The following MACROD2 variants were observed in gnomAD, a reference collection of about 807,000 sequenced individuals.
The protein encoded by MACROD2 is ADP-ribose glycohydrolase MACROD2.
A neutral mutation model predicts 70.4 loss-of-function variants in MACROD2; 36 were observed. The observed-to-expected ratio is 0.51, with a 90% CI of 0.39 to 0.68. The LOEUF is 0.68. MACROD2 is among the 30% of genes least tolerant of loss of function. The pLI, the probability that MACROD2 is intolerant of heterozygous loss-of-function variation, is 0.00. For missense variants in MACROD2, 496 were observed against 538.4 expected (o/e 0.92, Z 0.78); for synonymous variants, 172 against 178.8 (o/e 0.96, Z 0.30).
intron 3 of MACROD2, among the ~76,000 whole-genome samples, chr20:14,343,574 C>G (rs189697908): frequency 1.3e-5 from 2 of 152,302 alleles, no homozygotes; most frequent in Admixed American, 6.5e-5. Flanking sequence ...TCACTAATGT[C>G]AAATTGAACT....
chr20:14,682,597 T>G (rs185222139), intron 4 of MACROD2, among the ~76,000 whole-genome samples: 35 of 152,180 alleles, frequency 2.3e-4, no homozygotes, highest in Non-Finnish European at 1.2e-4. Flanking sequence ...AATCTTTTCA[T>G]TTGAAGGACT....
intron 5 of MACROD2, among the ~76,000 whole-genome samples, chr20:14,987,540 T>TTGGAGCTTGCAGTGAGCCGAGATCGCGCC (rs2074860477): frequency 6.6e-6 from 1 of 152,154 alleles, no homozygotes; most frequent in South Asian, 2.1e-4. Context: ...AAGAATAAGT[T>TTGGAGCTTGCAGTGAGCCGAGATCGCGCC]ACAAGGTCTG....
intron 5 of MACROD2, among the ~76,000 whole-genome samples, chr20:14,698,464 T>C (rs1305770710): frequency 1.3e-5 from 2 of 152,140 alleles, no homozygotes; most frequent in African/African-American, 2.4e-5. Flanking sequence ...ACACTGAACA[T>C]GGTTAGCTGT....
chr20:14,783,170 A>G (rs1255937156), intron 5 of MACROD2, among the ~76,000 whole-genome samples: 4 of 152,138 alleles, frequency 2.6e-5, no homozygotes, highest in Admixed American at 6.5e-5. Flanking sequence ...TCATGTTCTT[A>G]TGCTGTAATC....
At chr20:15,377,731 T>C (rs2045582277) in intron 6 of MACROD2, among the ~76,000 whole-genome samples, 1 of 152,244 alleles carries the variant, frequency 6.6e-6, no homozygotes, top group Non-Finnish European at 1.5e-5. Context: ...TTGATTCATA[T>C]ACATGGGAAC....
At chr20:15,584,732 C>T (rs950003741) in intron 8 of MACROD2, among the ~76,000 whole-genome samples, 1 of 152,146 alleles carries the variant, frequency 6.6e-6, no homozygotes. Flanking sequence ...ACCACCTTCC[C>T]GTGGGCCACA....
At chr20:15,219,641 G>C (rs2076840915) in intron 5 of MACROD2, among the ~76,000 whole-genome samples, 1 of 152,084 alleles carries the variant, frequency 6.6e-6, no homozygotes, top group African/African-American at 2.4e-5. Flanking sequence ...TGAGATGTAG[G>C]GCCTGGAGTG....
At chr20:14,273,979 G>C (rs898652995) in intron 3 of MACROD2, among the ~76,000 whole-genome samples, 12 of 152,066 alleles carry the variant, frequency 7.9e-5, no homozygotes, top group Admixed American at 2.0e-4. Context: ...CCAATAACAG[G>C]CTCTGGAATT....
chr20:14,185,719 A>T (rs1304366355), intron 3 of MACROD2, among the ~76,000 whole-genome samples: 3 of 152,178 alleles, frequency 2.0e-5, no homozygotes, highest in Non-Finnish European at 4.4e-5. Flanking sequence ...CAACTCAGCT[A>T]CTTGCTAGCT....
chr20:15,201,432 T>G (rs1332306627), intron 5 of MACROD2, among the ~76,000 whole-genome samples: 1 of 152,152 alleles, frequency 6.6e-6, no homozygotes, highest in East Asian at 1.9e-4. Context: ...GGATAAACAT[T>G]TAGTAGTTAT....
intron 3 of MACROD2, among the ~76,000 whole-genome samples, chr20:14,465,527 A>T (rs2084434323): frequency 6.6e-6 from 1 of 152,002 alleles, no homozygotes; most frequent in African/African-American, 2.4e-5. Flanking sequence ...TATTTAGCCC[A>T]TTTATATTTA....
intron 5 of MACROD2, among the ~76,000 whole-genome samples, chr20:14,904,607 G>A (rs1184955969): frequency 1.3e-5 from 2 of 152,058 alleles, no homozygotes; most frequent in East Asian, 3.9e-4. Context: ...GCTATATCAT[G>A]GACTTTGGAA....
chr20:15,833,502 C>G (rs1011845095), intron 8 of MACROD2, among the ~76,000 whole-genome samples: 1 of 152,124 alleles, frequency 6.6e-6, no homozygotes, highest in African/African-American at 2.4e-5. Flanking sequence ...CAAATCAGCT[C>G]AAAATGCCTT....
intron 5 of MACROD2, among the ~76,000 whole-genome samples, chr20:14,774,983 G>A (rs1459604493): frequency 3.3e-5 from 5 of 152,060 alleles, no homozygotes; most frequent in Non-Finnish European, 7.4e-5. Flanking sequence ...ATTTGTTGCT[G>A]TAGCTACTAG....
chr20:14,009,415 A>G (rs758916015), intron 2 of MACROD2, among the ~76,000 whole-genome samples: 22 of 152,202 alleles, frequency 1.4e-4, no homozygotes, highest in Non-Finnish European at 2.6e-4. Flanking sequence ...CAAAACCACA[A>G]TGTGATACCA....
chr20:14,543,312 T>C (rs2085455434), intron 4 of MACROD2, among the ~76,000 whole-genome samples: 1 of 152,200 alleles, frequency 6.6e-6, no homozygotes, highest in Non-Finnish European at 1.5e-5. Context: ...AATTTATAAC[T>C]AGTTGGCACA....
chr20:14,954,159 C>G (rs548092567), intron 5 of MACROD2, among the ~76,000 whole-genome samples: 1 of 152,082 alleles, frequency 6.6e-6, no homozygotes, highest in Non-Finnish European at 1.5e-5. Flanking sequence ...TAAAAACAAG[C>G]TTTCTAAATG....
chr20:15,229,439 A>T (rs1472427702), intron 5 of MACROD2, among the ~76,000 whole-genome samples: 1 of 152,210 alleles, frequency 6.6e-6, no homozygotes, highest in Non-Finnish European at 1.5e-5. Flanking sequence ...GTTATTAATG[A>T]TTATTAAAAA....
At chr20:14,207,386 C>T (rs2081533434) in intron 3 of MACROD2, among the ~76,000 whole-genome samples, 1 of 152,152 alleles carries the variant, frequency 6.6e-6, no homozygotes, top group Non-Finnish European at 1.5e-5. Flanking sequence ...AGGCGTGAGC[C>T]ACTGTGCCCG....
Sources: gnomAD v4.1 joint callset for allele counts (sites outside exome capture counted in the v4.1 genomes callset) on GRCh38, gnomAD v4.1.1 for gene constraint, MANE v1.5 for transcripts, NCBI Gene and HGNC (gene_info 2026-07-23, HGNC 2026-07-21) for gene names.